TAF1D: variants seen among roughly 807,000 people sequenced by gnomAD.
TAF1D encodes the protein TATA box-binding protein-associated factor RNA polymerase I subunit D.
In TAF1D, 23 loss-of-function variants were observed where a neutral mutation model predicts 26.2. The ratio of observed to expected loss-of-function variants is 0.88; its 90% CI spans 0.63 to 1.25. The LOEUF is 1.25. Among genes scored for constraint, TAF1D ranks in the 50% most tolerant of loss-of-function variants. The probability of loss-of-function intolerance (pLI) is 0.00; values close to 1 mark genes in which losing one functional copy is unlikely to be tolerated. For synonymous variants in TAF1D, 100 were observed against 105.6 expected, an observed-to-expected ratio of 0.95 and a Z score of 0.33; for missense variants, 299 against 322.0, an observed-to-expected ratio of 0.93 and a Z score of 0.55.
chr11:93,736,178 T>C lies in TAF1D; in HGVS notation c.820A>G (p.Arg274Gly). Reference protein sequence around the residue: ...RATKAKNTGQRGLKM With the variant: ...RATKAKNTGQGGLKM ...TGATCCTGTCACATTTTCAGGCCTC[T>C]CTGTCCAGTATTTTTGGCTTTTGTA... Residue 274 changes from arginine to glycine, a missense_variant, in exon 6 of 6, where the codon AGA becomes GGA. Coordinates refer to ENST00000448108, the MANE Select transcript of TAF1D (RefSeq NM_024116.4). 6.2e-7 allele frequency: 1 copy of C among 1,613,624 alleles called. No individual in the cohort carries two copies. Among genetic ancestry groups the C allele is most frequent in the Non-Finnish European group, 8.5e-7 (1 of 1,179,774 alleles).
At chr11:93,738,619 A>C in intron 2 of TAF1D, 120 bp from the exon 3 acceptor site, 1 of 1,054,896 alleles carries the variant, frequency 9.5e-7, no homozygotes, top group Non-Finnish European at 1.3e-6. Flanking sequence ...CCAGAATTAA[A>C]AATTTTTTAA....
At position 93,738,172 on chromosome 11, in the gene TAF1D, G is replaced by A. The variant is rs2135511579; in HGVS notation, c.396C>T (p.Gly132=). 1.9e-6 allele frequency: 3 copies of A among 1,576,720 alleles called. No homozygotes were observed. Among genetic ancestry groups the A allele is most frequent in the East Asian group, 4.5e-5 (2 of 44,172 alleles). The stretch of plus-strand genomic sequence containing the variant: ...CATTCTCTGATTCTAAAAATGGGAA[G>A]CCAGATCCTCTGCTTCTAAATTGTT... ...KKKQFRSRGS[G]FPFLESENEK... Residue 132 remains glycine (G), a synonymous_variant, in exon 3 of 6, where the codon GGC becomes GGT. Transcript: ENST00000448108.
chr11:93,734,706 A>G (rs1470955710), downstream of TAF1D: 1 of 1,285,828 alleles, frequency 7.8e-7, no homozygotes, highest in African/African-American at 1.5e-5. Context: ...ATGAAATTGG[A>G]ATGCAAAATT....
chr11:93,738,929 ACTGCTAAGAGTGTC>A, intron 2 of TAF1D: 1 of 395,036 alleles, frequency 2.5e-6, no homozygotes, highest in Non-Finnish European at 4.5e-6. Context: ...GGTTCGGTTC[ACTGCTAAGAGTGTC>A]TGAGTAAAAC....
chr11:93,730,346 G>A (rs1474568939), exon 12 of TAF1D: 20 of 1,077,918 alleles, frequency 1.9e-5, no homozygotes, highest in Non-Finnish European at 2.8e-5. Flanking sequence ...TCAATAAATT[G>A]TTATTCGAGG....
At chr11:93,732,028 C>G (rs190544824), downstream of TAF1D, 639 of 518,226 alleles carry the variant, frequency 1.2e-3, 1 homozygote, top group Non-Finnish European at 1.9e-3. Flanking sequence ...TCATTGTCAC[C>G]ACTGCAATAT....
chr11:93,738,413 A>T lies in TAF1D; in HGVS notation c.155T>A (p.Phe52Tyr). 1 of 1,612,942 alleles carries T rather than the reference A, an allele frequency of 6.2e-7. No homozygotes were observed. The highest frequency in any genetic ancestry group is 8.5e-7 in the Non-Finnish European group (1 of 1,179,766). Residue 52 changes from phenylalanine to tyrosine, a missense_variant, in exon 3 of 6, where the codon TTT (phenylalanine) becomes TAT (tyrosine). By Grantham distance (22) the Phe-to-Tyr change is conservative. Coordinates refer to ENST00000448108, the MANE Select transcript of TAF1D (RefSeq NM_024116.4). ...KGEKRNPIRKFVRTPESVHAS... is the reference protein window; with the variant it reads ...KGEKRNPIRKYVRTPESVHAS... ...GTGAACACTTTCAGGTGTACGAACA[A>T]ATTTTCGAATGGGGTTTCTTTTCTC...
intron 3 of TAF1D, 21 bp downstream of exon 3, chr11:93,738,088 G>A (rs370592094): frequency 1.3e-5 from 20 of 1,530,670 alleles, no homozygotes; most frequent in Non-Finnish European, 1.7e-5. Flanking sequence ...GTGTAGCCAT[G>A]TATGTAAAAT....
At chr11:93,733,587 T>C (rs770303291), downstream of TAF1D, 4 of 518,552 alleles carry the variant, frequency 7.7e-6, no homozygotes, top group South Asian at 2.8e-5. Context: ...CCCATCGGGA[T>C]AGACCTCAAC....
In TAF1D at chr11:93,738,484, A is replaced by G; in HGVS notation, c.84T>C (p.Asp28=). Residue 28 remains aspartate (D), a synonymous_variant, in exon 3 of 6, where the codon GAT becomes GAC. Transcript: ENST00000448108. ...ELANRSDNSS[D]SSLFKTQCIP... ...TACACTGAGTTTTAAATAAGCTGCT[A>G]TCAGAAGAGTTATCACTAGAAAAAT... 1 of 1,572,504 alleles carries G rather than the reference A, an allele frequency of 6.4e-7. No homozygotes were observed.
At chr11:93,740,286 A>C (rs1233720678) in intron 1 of TAF1D, among the ~76,000 whole-genome samples, 1 of 151,936 alleles carries the variant, frequency 6.6e-6, no homozygotes, top group South Asian at 2.1e-4. Flanking sequence ...TCTACAAAAA[A>C]TTCTTAAAAT....
At position 93,741,413 on chromosome 11, in the gene TAF1D, G is replaced by A. The variant is rs1439275016; in HGVS notation, c.-119C>T. 9 of 409,072 alleles carry A rather than the reference G, an allele frequency of 2.2e-5. No individual in the cohort carries two copies. The highest frequency in any genetic ancestry group is 4.3e-5 in the Non-Finnish European group (9 of 208,406). The allele number at this position is 409,072 out of a possible 1,614,324, so 25.3% of individuals were successfully genotyped here. A position where few individuals can be genotyped will look rare whatever the true frequency, so the allele number is the denominator to read the frequency against. The stretch of plus-strand genomic sequence containing the variant: ...CCCGCGACTGGCCTGGTGTCCTAGA[G>A]CTCTGTACACACCACCCTCCCGACC... On this transcript the variant is annotated 5_prime_UTR_variant, in exon 1 of 6. Coordinates refer to ENST00000448108, the MANE Select transcript of TAF1D (RefSeq NM_024116.4).
rs1310992680 is a variant in TAF1D, at chr11:93,736,638, G to C, written c.693+56C>G. 3 of 1,596,912 alleles carry C rather than the reference G, an allele frequency of 1.9e-6. No homozygotes were observed. The African/African-American group carries it at 4.1e-5, about 22-fold the overall frequency. ...AGAAAAACTAAATATAATTCCTTCT[G>C]TATCAACCAACTCCTGCCTTCCCAA... On this transcript the variant is annotated intron_variant, in intron 5 of 5. Transcript: ENST00000448108.
chr11:93,732,364 T>G (rs781666223), downstream of TAF1D: 2 of 518,826 alleles, frequency 3.9e-6, no homozygotes, highest in Admixed American at 3.9e-5. Context: ...ACACAAATAC[T>G]GTATCAGTAG....
At chr11:93,731,263 T>C (rs1944107), downstream of TAF1D, 1 of 351,448 alleles carries the variant, frequency 2.8e-6, no homozygotes, top group Non-Finnish European at 5.5e-6. Context: ...ATTAAGTACA[T>C]AAATCTATCT....
intron 1 of TAF1D, among the ~76,000 whole-genome samples, chr11:93,739,722 T>C (rs1941417532): frequency 1.3e-5 from 2 of 152,102 alleles, no homozygotes; most frequent in Non-Finnish European, 2.9e-5. Context: ...AAGCAAAGTG[T>C]GCCCTATATA....
downstream of TAF1D, chr11:93,731,967 A>G (rs776614459): frequency 1.2e-5 from 6 of 498,430 alleles, no homozygotes; most frequent in African/African-American, 9.8e-5. Context: ...TGAAAAGTCA[A>G]CATTTTTCTC....
At position 93,736,040 on chromosome 11, in the gene TAF1D, T is replaced by C. The variant is rs543075610; in HGVS notation, c.*121A>G. The stretch of plus-strand genomic sequence containing the variant: ...GGGTTAAAAATTTTTTTTCTTGTTA[T>C]AAAGTTCTGGGTTTCAGAATTTCTT... On this transcript the variant is annotated 3_prime_UTR_variant, in exon 6 of 6. Coordinates refer to ENST00000448108, the MANE Select transcript of TAF1D (RefSeq NM_024116.4). The C allele has an allele frequency of 2.7e-4, 384 of 1,448,506 alleles. 6 individuals carry two copies. The South Asian group carries it at 5.3e-3, about 20-fold the overall frequency. The allele number at this position is 1,448,506 out of a possible 1,614,324, so 89.7% of individuals were successfully genotyped here. A position where few individuals can be genotyped will look rare whatever the true frequency, so the allele number is the denominator to read the frequency against.
chr11:93,736,970 A>G, intron 4 of TAF1D, 94 bp downstream of exon 4: 2 of 1,192,480 alleles, frequency 1.7e-6, no homozygotes, highest in Non-Finnish European at 2.3e-6. Context: ...TTCATTATTT[A>G]AGTATAACTA....
Sources: gnomAD v4.1 joint callset for allele counts (sites outside exome capture counted in the v4.1 genomes callset) on GRCh38, gnomAD v4.1.1 for gene constraint, MANE v1.5 for transcripts, NCBI Gene and HGNC (gene_info 2026-07-23, HGNC 2026-07-21) for gene names.